EPB41L3: variants seen among roughly 807,000 people sequenced by gnomAD.
EPB41L3 encodes the protein erythrocyte membrane protein band 4.1 like 3.
A neutral mutation model predicts 127.1 loss-of-function variants in EPB41L3; 57 were observed. That is an observed-to-expected ratio of 0.45 (90% CI 0.36 to 0.56). EPB41L3 has a LOEUF of 0.56. Among genes scored for constraint, EPB41L3 ranks in the 20% least tolerant of loss-of-function variants. The pLI is 0.00. For missense variants in EPB41L3, 1,273 were observed against 1,372.2 expected, an observed-to-expected ratio of 0.93 and a Z score of 1.14; for synonymous variants, 572 against 549.5, an observed-to-expected ratio of 1.04 and a Z score of -0.57.
chr18:5,474,099 T>C (rs572826392), intron 3 of EPB41L3, among the ~76,000 whole-genome samples: 38 of 151,336 alleles, frequency 2.5e-4, no homozygotes, highest in Non-Finnish European at 3.4e-4. Context: ...GGCGTGGTGG[T>C]GGGCGCCTGT....
At chr18:5,497,603 C>T (rs185778093) in intron 1 of EPB41L3, among the ~76,000 whole-genome samples, 4 of 152,268 alleles carry the variant, frequency 2.6e-5, no homozygotes, top group East Asian at 1.9e-4. Flanking sequence ...AACAAACAAG[C>T]GTCAAGTTTC....
At chr18:5,538,811 G>C (rs371295784) in intron 1 of EPB41L3, among the ~76,000 whole-genome samples, 1 of 152,008 alleles carries the variant, frequency 6.6e-6, no homozygotes, top group Non-Finnish European at 1.5e-5. Context: ...CTTTTCTCTT[G>C]GTACCTGCAG....
chr18:5,547,002 C>A (rs1012599067), upstream of EPB41L3, among the ~76,000 whole-genome samples: 2 of 152,134 alleles, frequency 1.3e-5, no homozygotes, highest in African/African-American at 4.8e-5. Context: ...TTCCAAAATT[C>A]TGTATGGTTC....
At chr18:5,578,099 G>C (rs1017182921) in intron 3 of EPB41L3, among the ~76,000 whole-genome samples, 4 of 152,118 alleles carry the variant, frequency 2.6e-5, no homozygotes, top group African/African-American at 9.7e-5. Flanking sequence ...GGAGGCTCCA[G>C]GGTTGGGGGG....
chr18:5,526,110 C>CA, intron 1 of EPB41L3, among the ~76,000 whole-genome samples: 1 of 152,226 alleles, frequency 6.6e-6, no homozygotes, highest in South Asian at 2.1e-4. Context: ...AAAAGAGCTT[C>CA]AAAACATCCA....
At chr18:5,623,932 T>C (rs913296077) in intron 1 of EPB41L3, among the ~76,000 whole-genome samples, 1 of 152,274 alleles carries the variant, frequency 6.6e-6, no homozygotes, top group South Asian at 2.1e-4. Flanking sequence ...GCTGGGATTA[T>C]AGGCAATGTT....
chr18:5,397,503 G>T lies in EPB41L3; in HGVS notation c.2473-77C>A. 3 of 1,487,076 alleles carry T rather than the reference G, an allele frequency of 2.0e-6. No homozygotes were observed. Among genetic ancestry groups the T allele is most frequent in the Non-Finnish European group, 2.7e-6 (3 of 1,115,688 alleles). 92.1% of individuals were successfully genotyped at this position (1,487,076 alleles called of 1,614,324 possible). A position where few individuals can be genotyped will look rare whatever the true frequency, so the allele number is the denominator to read the frequency against. ...CAGAAAATAACTAAAGCTGCCACTC[G>T]CCAGGATGTCTAAAGCCAGCAGCAA... On this transcript the variant is annotated intron_variant, in intron 17 of 22. Coordinates refer to ENST00000341928, the MANE Select transcript of EPB41L3 (RefSeq NM_012307.5). This position sits in a 1 kb window ranked among gnomAD's most constrained non-coding sequence, Gnocchi z 4.1.
intron 1 of EPB41L3, among the ~76,000 whole-genome samples, chr18:5,627,906 G>C (rs2144354515): frequency 6.6e-6 from 1 of 152,342 alleles, no homozygotes; most frequent in South Asian, 2.1e-4. Context: ...AATGTTAATA[G>C]TTAACAAGAG....
At chr18:5,436,478 G>C (rs916429533) in intron 6 of EPB41L3, among the ~76,000 whole-genome samples, 3 of 139,170 alleles carry the variant, frequency 2.2e-5, no homozygotes, top group Non-Finnish European at 4.5e-5. Context: ...GCGCGATCTC[G>C]GCTCACTGCA....
chr18:5,417,496 C>G (rs1200586433), intron 12 of EPB41L3, among the ~76,000 whole-genome samples: 1 of 152,150 alleles, frequency 6.6e-6, no homozygotes, highest in East Asian at 1.9e-4. Flanking sequence ...GCCGGGAAAT[C>G]CAAGCCTGAA....
intron 1 of EPB41L3, among the ~76,000 whole-genome samples, chr18:5,489,903 T>C (rs905987577): frequency 4.6e-5 from 7 of 152,176 alleles, no homozygotes; most frequent in African/African-American, 1.7e-4. Flanking sequence ...TCATATCTCA[T>C]AGGGAACTCA....
rs146228461 is a variant in EPB41L3 at position 5,562,714 on chromosome 18, G to A, written c.-306+49626C>T. Among the ~76,000 whole-genome samples the A allele has an allele frequency of 4.0e-3, 605 of 152,336 alleles. 3 individuals are homozygous for A. Among genetic ancestry groups the A allele is most frequent in the African/African-American group, 0.014 (572 of 41,586 alleles). Reference sequence around the variant, plus strand: ...TGATGACAGTGAACATGAACAGCCTGTATGTGACAGCCACTAGCTCAGACC... The same window carrying A: ...TGATGACAGTGAACATGAACAGCCTATATGTGACAGCCACTAGCTCAGACC... On this transcript the variant is annotated intron_variant, in intron 3 of 21. Coordinates refer to the EPB41L3 transcript ENST00000545076.
chr18:5,428,743 T>A (rs2078571513), intron 8 of EPB41L3, among the ~76,000 whole-genome samples: 1 of 152,242 alleles, frequency 6.6e-6, no homozygotes, highest in Non-Finnish European at 1.5e-5. Flanking sequence ...CATGAAGGTA[T>A]GTTAATAACG....
At chr18:5,629,415 C>CCACACACACACACACACA (rs61034629), upstream of EPB41L3, among the ~76,000 whole-genome samples, 7 of 143,840 alleles carry the variant, frequency 4.9e-5, no homozygotes, top group African/African-American at 1.8e-4. Context: ...TCCTTACACA[C>CCACACACACACACACACA]CACACACACA....
chr18:5,572,203 T>G (rs2149257264), intron 3 of EPB41L3, among the ~76,000 whole-genome samples: 1 of 152,310 alleles, frequency 6.6e-6, no homozygotes, highest in African/African-American at 2.4e-5. Context: ...CTAGGAAAAC[T>G]TGGGGTTTTA....
At position 5,428,395 on chromosome 18, in the gene EPB41L3, C is replaced by T; in HGVS notation, c.983G>A (p.Arg328Gln). The T allele has an allele frequency of 1.9e-6, 3 of 1,614,158 alleles. No individual in the cohort carries two copies. Among genetic ancestry groups the T allele is most frequent in the Non-Finnish European group, 2.5e-6 (3 of 1,180,022 alleles). Reference protein sequence around the residue: ...SGLLIYRDRLRINRFAWPKVL... With the variant: ...SGLLIYRDRLQINRFAWPKVL... ...CTTGGGCCAGGCAAATCTGTTTATT[C>T]GCAGCCGGTCGCGATATATCAACAG... The change falls in exon 9 of 23, where the codon CGA (arginine) becomes CAA (glutamine). Residue 328 changes from arginine (R) to glutamine (Q), a missense_variant. Arg to Gln is a conservative substitution (Grantham distance 43). This residue lies in a region of EPB41L3 where 326 missense variants were observed against 440.2 expected (regional missense o/e 0.74). Coordinates refer to ENST00000341928, the MANE Select transcript of EPB41L3 (RefSeq NM_012307.5).
chr18:5,516,951 AAAGTCTT>A (rs2092775118), intron 1 of EPB41L3, among the ~76,000 whole-genome samples: 1 of 152,184 alleles, frequency 6.6e-6, no homozygotes, highest in African/African-American at 2.4e-5. Flanking sequence ...GATTGTCTAT[AAAGTCTT>A]AAGCCAGATT....
intron 4 of EPB41L3, 58 bp from the exon 5 acceptor site, chr18:5,443,938 T>C: frequency 6.9e-7 from 1 of 1,445,946 alleles, no homozygotes; most frequent in Non-Finnish European, 9.6e-7. Flanking sequence ...TGACTTAATG[T>C]TGATTAGGTA....
At position 5,416,043 on chromosome 18, in the gene EPB41L3, G is replaced by A. The variant is rs750512041; in HGVS notation, c.1842C>T (p.Thr614=). ...GYLSFPNLSE[T]NLLPQSLQHY... is the part of the protein sequence containing the mutation. ...GCTGCAAGCTCTGGGGCAGGAGGTT[G>A]GTTTCAGAAAGGTTGGGGAAAGAGA... Residue 614 remains threonine (T), a synonymous_variant, in exon 13 of 23, where the codon ACC becomes ACT. Coordinates refer to ENST00000341928, the MANE Select transcript of EPB41L3 (RefSeq NM_012307.5). 6.2e-7 allele frequency: 1 copy of A among 1,613,882 alleles called. No homozygotes were observed. Among genetic ancestry groups the A allele is most frequent in the Non-Finnish European group, 8.5e-7 (1 of 1,179,876 alleles).
Sources: allele counts gnomAD v4.1 joint callset (sites outside exome capture counted in the v4.1 genomes callset), GRCh38; gene constraint gnomAD v4.1.1; regional missense constraint gnomAD v4.1.1; non-coding constraint Gnocchi (gnomAD v3.1); transcripts MANE v1.5; gene names NCBI Gene and HGNC (gene_info 2026-07-23, HGNC 2026-07-21).